Variants in ASPH observed in about 807,000 individuals in gnomAD.
The protein encoded by ASPH is aspartyl/asparaginyl beta-hydroxylase.
ASPH carries 100 observed loss-of-function variants against 118.4 expected under a neutral mutation model. The ratio of observed to expected loss-of-function variants is 0.84; its 90% CI spans 0.72 to 1.00. The LOEUF (loss-of-function observed/expected upper bound fraction) is 1.00. Among genes scored for constraint, ASPH ranks in the 50% least tolerant of loss-of-function variants. The pLI, the probability that ASPH is intolerant of heterozygous loss-of-function variation, is 0.00. For missense variants in ASPH, 920 were observed against 919.5 expected, an observed-to-expected ratio of 1.00 and a Z score of -0.01; for synonymous variants, 315 against 325.6, an observed-to-expected ratio of 0.97 and a Z score of 0.35.
At chr8:61,543,545 A>G (rs1351451098) in intron 21 of ASPH, among the ~76,000 whole-genome samples, 4 of 152,160 alleles carry the variant, frequency 2.6e-5, no homozygotes, top group Non-Finnish European at 4.4e-5. Flanking sequence ...CTTTAGACAT[A>G]GTTTTCTTTA....
intron 22 of ASPH, 133 bp downstream of exon 22, chr8:61,525,844 T>C: frequency 7.9e-7 from 1 of 1,261,592 alleles, no homozygotes. Flanking sequence ...ATTTCAAAAA[T>C]CTAGGTTTTT....
At chr8:61,525,759 GAT>G (rs1433187376) in intron 22 of ASPH, among the ~76,000 whole-genome samples, 2 of 152,098 alleles carry the variant, frequency 1.3e-5, no homozygotes, top group African/African-American at 2.4e-5. Context: ...TACACACATG[GAT>G]ATACACACAC....
At chr8:61,629,170 G>A (rs888063528) in intron 13 of ASPH, among the ~76,000 whole-genome samples, 4 of 152,190 alleles carry the variant, frequency 2.6e-5, no homozygotes, top group African/African-American at 9.7e-5. Context: ...GACAGGAGCA[G>A]CAGAATTACC....
At chr8:61,654,264 C>T (rs1337272980) in intron 3 of ASPH, among the ~76,000 whole-genome samples, 6 of 152,122 alleles carry the variant, frequency 3.9e-5, no homozygotes, top group Admixed American at 2.6e-4. Context: ...GGTATGTTAA[C>T]ATGAAACTGA....
chr8:61,607,097 A>G (rs561459821), intron 14 of ASPH: 3 of 540,134 alleles, frequency 5.6e-6, no homozygotes, highest in South Asian at 4.8e-5. Context: ...ACCTCTTTAC[A>G]TTGTAGTTAC....
At chr8:61,600,593 C>A (rs1368581621) in intron 14 of ASPH, among the ~76,000 whole-genome samples, 1 of 150,542 alleles carries the variant, frequency 6.6e-6, no homozygotes, top group Non-Finnish European at 1.5e-5. Context: ...AGCAAACAAG[C>A]TGAAAAGAAA....
chr8:61,635,517 T>C (rs1222906273), intron 12 of ASPH, among the ~76,000 whole-genome samples: 1 of 152,136 alleles, frequency 6.6e-6, no homozygotes, highest in East Asian at 1.9e-4. Flanking sequence ...TTAAAATGTC[T>C]GATCTGGGGC....
chr8:61,614,233 ATAT>A (rs1848329876), intron 14 of ASPH, among the ~76,000 whole-genome samples: 1 of 152,242 alleles, frequency 6.6e-6, no homozygotes, highest in Admixed American at 6.5e-5. Context: ...ATTTAATAAG[ATAT>A]TAAGTATAAG....
At chr8:61,515,476 C>G (rs1181853718) in intron 24 of ASPH, among the ~76,000 whole-genome samples, 1 of 152,158 alleles carries the variant, frequency 6.6e-6, no homozygotes, top group Non-Finnish European at 1.5e-5. Flanking sequence ...CTTCCGTCTT[C>G]TAAATACAGA....
intron 3 of ASPH, among the ~76,000 whole-genome samples, chr8:61,677,422 T>G (rs550318382): frequency 1.3e-5 from 2 of 152,150 alleles, no homozygotes; most frequent in Non-Finnish European, 2.9e-5. Context: ...CTTTTCTGGT[T>G]GGAACCACGT....
At chr8:61,608,100 C>T (rs758471346) in intron 14 of ASPH, among the ~76,000 whole-genome samples, 1 of 152,156 alleles carries the variant, frequency 6.6e-6, no homozygotes, top group East Asian at 1.9e-4. Context: ...CTAGCACTTG[C>T]TGGCATCAAT....
At chr8:61,508,364 T>C (rs1031387412) in intron 24 of ASPH, among the ~76,000 whole-genome samples, 1 of 152,206 alleles carries the variant, frequency 6.6e-6, no homozygotes, top group Non-Finnish European at 1.5e-5. Flanking sequence ...CTCTCTGGGT[T>C]GTCAAAAGAT....
At chr8:61,676,164 T>TTTCTTC (rs573164897) in intron 3 of ASPH, 26 of 1,599,178 alleles carry the variant, frequency 1.6e-5, no homozygotes, top group Admixed American at 3.3e-5. Flanking sequence ...GCGGTTTCGC[T>TTTCTTC]TTCTTCTTCT....
intron 13 of ASPH, chr8:61,628,350 T>TTTTTTTTAA (rs1853942330): frequency 4.3e-6 from 1 of 231,618 alleles, no homozygotes; most frequent in African/African-American, 3.9e-5. Context: ...TTTTTTTTTT[T>TTTTTTTTAA]AAGAGATGGG....
At chr8:61,695,900 T>C (rs955807605) in intron 1 of ASPH, among the ~76,000 whole-genome samples, 4 of 152,208 alleles carry the variant, frequency 2.6e-5, no homozygotes, top group African/African-American at 4.8e-5. Context: ...GTTTGGGCTG[T>C]CAAGTCACTT....
chr8:61,597,196 G>GAAAAAAAAAAAAAAAAAA, intron 14 of ASPH, among the ~76,000 whole-genome samples: 1 of 112,804 alleles, frequency 8.9e-6, no homozygotes, highest in Non-Finnish European at 1.7e-5. Flanking sequence ...ATCCAGTCAG[G>GAAAAAAAAAAAAAAAAAA]AAAAAAAAAA....
chr8:61,570,004 T>C (rs1198137401), intron 16 of ASPH, among the ~76,000 whole-genome samples: 1 of 152,218 alleles, frequency 6.6e-6, no homozygotes, highest in Non-Finnish European at 1.5e-5. Flanking sequence ...CACAGAGTTC[T>C]AGACCTGAGA....
intron 10 of ASPH, among the ~76,000 whole-genome samples, chr8:61,638,921 C>G (rs1859170939): frequency 1.3e-5 from 2 of 152,188 alleles, no homozygotes; most frequent in African/African-American, 4.8e-5. Context: ...CCTCAGTCAA[C>G]CTGATCTTCC....
At chr8:61,535,964 C>G (rs893682405) in intron 21 of ASPH, among the ~76,000 whole-genome samples, 18 of 151,792 alleles carry the variant, frequency 1.2e-4, no homozygotes, top group Non-Finnish European at 1.5e-4. Context: ...TAATCTCTCA[C>G]TGGTCCTAAT....
Sources: allele counts gnomAD v4.1 joint callset (sites outside exome capture counted in the v4.1 genomes callset), GRCh38; gene constraint gnomAD v4.1.1; transcripts MANE v1.5; gene names NCBI Gene and HGNC (gene_info 2026-07-23, HGNC 2026-07-21).